Variants in DENND4A observed in about 807,000 individuals in gnomAD.
The protein encoded by DENND4A is DENN domain containing 4A.
A neutral mutation model predicts 199.3 loss-of-function variants in DENND4A; 70 were observed. The ratio of observed to expected loss-of-function variants is 0.35; its 90% CI spans 0.29 to 0.43. The LOEUF (loss-of-function observed/expected upper bound fraction) is 0.43. Ranked by LOEUF, DENND4A falls within the 20% of genes least tolerant of loss-of-function variation. The pLI, the probability that DENND4A is intolerant of heterozygous loss-of-function variation, is 1.00. For synonymous variants in DENND4A, 686 were observed against 766.9 expected (o/e 0.89, Z 1.74); for missense variants, 1,723 against 2,255.8 (o/e 0.76, Z 4.78).
intron 1 of DENND4A, among the ~76,000 whole-genome samples, chr15:65,774,872 T>G (rs1450324670): frequency 3.4e-5 from 5 of 147,584 alleles, no homozygotes; most frequent in African/African-American, 7.4e-5. Flanking sequence ...TGTTTACTTT[T>G]TTTTTTTTTT....
intron 12 of DENND4A, among the ~76,000 whole-genome samples, chr15:65,721,244 T>C (rs1181777608): frequency 1.3e-5 from 2 of 152,004 alleles, no homozygotes; most frequent in Non-Finnish European, 2.9e-5. Flanking sequence ...ATTTGTTCCA[T>C]AAGGCAAAAT....
intron 7 of DENND4A, among the ~76,000 whole-genome samples, chr15:65,733,101 A>G (rs933625768): frequency 6.6e-6 from 1 of 152,240 alleles, no homozygotes; most frequent in Admixed American, 6.5e-5. Context: ...AGTATGCAAT[A>G]TATCAGTGAT....
chr15:65,691,047 C>A lies in DENND4A; in HGVS notation c.3547G>T (p.Ala1183Ser), dbSNP rs1276621942. ...TGAATCCTCTTGGGATTTTGTGTAG[C>A]AACACATCCTGCTTTTGATACATCT... ...ETDVSKAGCV[A>S]TQNPKRIQRM... Residue 1183 changes from alanine (A) to serine (S), a missense_variant, in exon 23 of 33, where the codon GCT becomes TCT. Physicochemically the swap from Ala to Ser is moderately conservative, Grantham distance 99 (BLOSUM62 1). Around this residue, in one of 6 missense-constraint regions of DENND4A, gnomAD observed 650 missense variants for 738.1 expected, o/e 0.88. Coordinates refer to ENST00000443035, the MANE Select transcript of DENND4A (RefSeq NM_001320835.1). 6.2e-7 allele frequency: 1 copy of A among 1,612,662 alleles called. No individual in the cohort carries two copies.
chr15:65,744,248 A>G (rs1218734117), intron 4 of DENND4A, among the ~76,000 whole-genome samples: 1 of 152,222 alleles, frequency 6.6e-6, no homozygotes, highest in Admixed American at 6.5e-5. Flanking sequence ...AGGAAGGAAG[A>G]AACTCAATTG....
At chr15:65,746,809 A>C (rs1373122036) in intron 4 of DENND4A, among the ~76,000 whole-genome samples, 1 of 151,874 alleles carries the variant, frequency 6.6e-6, no homozygotes, top group Non-Finnish European at 1.5e-5. Context: ...GCAGTGGCTC[A>C]CATCTGTAAT....
chr15:65,751,718 G>T (rs906012750), intron 4 of DENND4A, among the ~76,000 whole-genome samples: 5 of 152,138 alleles, frequency 3.3e-5, no homozygotes, highest in African/African-American at 1.2e-4. Context: ...CAAGAAGGAA[G>T]AAGTAACCGT....
chr15:65,677,047 C>G (rs1164091943), intron 23 of DENND4A, among the ~76,000 whole-genome samples: 2 of 151,998 alleles, frequency 1.3e-5, no homozygotes, highest in Admixed American at 6.6e-5. Flanking sequence ...GAAGTTAAAT[C>G]TTTTTCTGAT....
intron 1 of DENND4A, among the ~76,000 whole-genome samples, chr15:65,791,655 A>G (rs964409488): frequency 6.6e-6 from 1 of 151,860 alleles, no homozygotes; most frequent in Non-Finnish European, 1.5e-5. Context: ...CCTCCGACTT[A>G]CGTAACGGGC....
At chr15:65,767,472 T>A (rs1376894908) in intron 1 of DENND4A, 1 of 152,152 alleles carries the variant, frequency 6.6e-6, no homozygotes, top group East Asian at 1.9e-4. Flanking sequence ...GCACAAAGAC[T>A]CATTCTGTCA....
intron 11 of DENND4A, chr15:65,726,005 G>C (rs749223984): frequency 2.2e-4 from 34 of 152,176 alleles, no homozygotes; most frequent in Non-Finnish European, 4.4e-4. Flanking sequence ...GGGTGGTAAT[G>C]GCAAGAATTC....
intron 1 of DENND4A, among the ~76,000 whole-genome samples, chr15:65,791,425 G>A (rs1365737490): frequency 6.6e-6 from 1 of 151,756 alleles, no homozygotes; most frequent in Admixed American, 6.6e-5. Flanking sequence ...AAAGGGAATG[G>A]TGGTAACCAG....
intron 32 of DENND4A, among the ~76,000 whole-genome samples, chr15:65,663,304 G>A (rs1005168482): frequency 6.6e-6 from 1 of 150,848 alleles, no homozygotes; most frequent in Admixed American, 6.6e-5. Context: ...CCGCCTCCTG[G>A]GTTCAAGTGA....
intron 24 of DENND4A, among the ~76,000 whole-genome samples, chr15:65,675,164 G>C (rs1436386618): frequency 1.3e-5 from 2 of 152,098 alleles, no homozygotes; most frequent in Non-Finnish European, 2.9e-5. Flanking sequence ...ATGGCCCTGA[G>C]CTAAGAGTGT....
At chr15:65,754,941 T>A (rs1382776571) in intron 3 of DENND4A, among the ~76,000 whole-genome samples, 1 of 152,180 alleles carries the variant, frequency 6.6e-6, no homozygotes, top group Non-Finnish European at 1.5e-5. Context: ...CATGTCCACA[T>A]AAAAACTTGC....
intron 21 of DENND4A, chr15:65,696,953 T>C (rs1029185634): frequency 1.6e-5 from 5 of 309,036 alleles, no homozygotes; most frequent in South Asian, 7.8e-5. Flanking sequence ...CTTTAAAATA[T>C]TGTTAAGTCT....
At chr15:65,749,969 G>C (rs2076517653) in intron 4 of DENND4A, among the ~76,000 whole-genome samples, 1 of 152,088 alleles carries the variant, frequency 6.6e-6, no homozygotes, top group Non-Finnish European at 1.5e-5. Context: ...AATCAAAGTA[G>C]CATTACTAGG....
At chr15:65,760,970 T>A (rs2140751059) in intron 2 of DENND4A, among the ~76,000 whole-genome samples, 1 of 152,316 alleles carries the variant, frequency 6.6e-6, no homozygotes, top group South Asian at 2.1e-4. Context: ...ACTACCACCT[T>A]ATCCTTGGAA....
At chr15:65,752,719 G>T in intron 3 of DENND4A, 91 bp from the exon 4 acceptor site, 1 of 788,260 alleles carries the variant, frequency 1.3e-6, no homozygotes. Context: ...CTTAAATGTA[G>T]TAGCATGGTA....
intron 24 of DENND4A, among the ~76,000 whole-genome samples, chr15:65,675,152 G>T (rs1323702349): frequency 1.3e-5 from 2 of 152,130 alleles, no homozygotes; most frequent in South Asian, 2.1e-4. Flanking sequence ...ATCCATATTT[G>T]TATGGCCCTG....
Sources: gnomAD v4.1 joint callset for allele counts (sites outside exome capture counted in the v4.1 genomes callset) on GRCh38, gnomAD v4.1.1 for gene constraint, gnomAD v4.1.1 regional missense constraint, MANE v1.5 for transcripts, NCBI Gene and HGNC (gene_info 2026-07-23, HGNC 2026-07-21) for gene names.